The following OSBPL9 variants were observed in gnomAD, a reference collection of about 807,000 sequenced individuals.
OSBPL9 encodes oxysterol-binding protein-related protein 9.
A neutral mutation model predicts 106.6 loss-of-function variants in OSBPL9; 40 were observed. That is an observed-to-expected ratio of 0.38 (90% CI 0.29 to 0.49). OSBPL9 has a LOEUF of 0.49. Among genes scored for constraint, OSBPL9 ranks in the 20% least tolerant of loss-of-function variants. The probability of loss-of-function intolerance (pLI) is 0.97; values close to 1 mark genes in which losing one functional copy is unlikely to be tolerated. For synonymous variants in OSBPL9, 269 were observed against 295.4 expected (o/e 0.91, Z 0.92); for missense variants, 609 against 887.2 (o/e 0.69, Z 3.98).
chr1:51,645,581 G>A (rs925903339), intron 1 of OSBPL9, among the ~76,000 whole-genome samples: 1 of 151,352 alleles, frequency 6.6e-6, no homozygotes, highest in Non-Finnish European at 1.5e-5. Context: ...TGGGCTCAAG[G>A]GATCCTCCTG....
chr1:51,786,720 G>A, intron 22 of OSBPL9, 103 bp downstream of exon 22: 1 of 845,732 alleles, frequency 1.2e-6, no homozygotes, highest in Non-Finnish European at 1.9e-6. Context: ...GAGCATAATA[G>A]TATAGACCAA....
intron 8 of OSBPL9, among the ~76,000 whole-genome samples, chr1:51,755,284 TG>T (rs1449915151): frequency 6.6e-6 from 1 of 152,202 alleles, no homozygotes; most frequent in Non-Finnish European, 1.5e-5. Flanking sequence ...CAATGGTTTT[TG>T]TTATATTTAC....
At chr1:51,673,531 T>C (rs1650430558) in intron 3 of OSBPL9, among the ~76,000 whole-genome samples, 1 of 152,212 alleles carries the variant, frequency 6.6e-6, no homozygotes, top group Non-Finnish European at 1.5e-5. Flanking sequence ...GCTGGATCAG[T>C]GTCCTGGAGA....
chr1:51,753,530 T>C (rs976908167), intron 8 of OSBPL9, among the ~76,000 whole-genome samples: 1 of 152,230 alleles, frequency 6.6e-6, no homozygotes, highest in African/African-American at 2.4e-5. Flanking sequence ...TAAATTGTTA[T>C]AGCCACTTTG....
chr1:51,581,112 A>G (rs1390388108), intron 1 of OSBPL9, among the ~76,000 whole-genome samples: 1 of 146,358 alleles, frequency 6.8e-6, no homozygotes, highest in Non-Finnish European at 1.5e-5. Flanking sequence ...TTTTATAGAG[A>G]TGGGGTTTCA....
At chr1:51,537,729 T>TG in the OSBPL9 span, among the ~76,000 whole-genome samples, 42 of 152,038 alleles carry the variant, frequency 2.8e-4, no homozygotes, top group Admixed American at 1.0e-3. Flanking sequence ...TTTATAGAGA[T>TG]GGGGTCTCAC....
chr1:51,547,892 G>A, the OSBPL9 span, among the ~76,000 whole-genome samples: 11,574 of 151,432 alleles, frequency 0.076, 508 homozygotes, highest in Non-Finnish European at 0.093. Context: ...ATTTAGAAGT[G>A]ACATTGTCAC....
At chr1:51,700,514 T>C (rs1386205608) in intron 3 of OSBPL9, among the ~76,000 whole-genome samples, 1 of 152,214 alleles carries the variant, frequency 6.6e-6, no homozygotes, top group Admixed American at 6.5e-5. Flanking sequence ...TTTTTATGAG[T>C]ATTGGTCAGT....
chr1:51,701,119 T>C (rs1252314287), intron 3 of OSBPL9, among the ~76,000 whole-genome samples: 1 of 152,142 alleles, frequency 6.6e-6, no homozygotes, highest in Non-Finnish European at 1.5e-5. Context: ...TTTGTATTTT[T>C]AGTAGAGACG....
chr1:51,718,913 A>C (rs1661552005), intron 4 of OSBPL9, among the ~76,000 whole-genome samples: 1 of 152,232 alleles, frequency 6.6e-6, no homozygotes, highest in Non-Finnish European at 1.5e-5. Flanking sequence ...CACTACATAC[A>C]TTACCTTGAC....
intron 12 of OSBPL9, among the ~76,000 whole-genome samples, chr1:51,769,250 G>T (rs1673314385): frequency 6.6e-6 from 1 of 152,142 alleles, no homozygotes; most frequent in East Asian, 1.9e-4. Flanking sequence ...CTTTCTGAAG[G>T]AAGAGAACTT....
chr1:51,537,274 A>G, the OSBPL9 span, among the ~76,000 whole-genome samples: 4 of 152,220 alleles, frequency 2.6e-5, no homozygotes, highest in African/African-American at 7.2e-5. Context: ...AGCCTCTTCA[A>G]ACTAGCTCCT....
chr1:51,618,113 G>C (rs185879622), intron 1 of OSBPL9, among the ~76,000 whole-genome samples: 25 of 152,124 alleles, frequency 1.6e-4, no homozygotes, highest in Non-Finnish European at 3.1e-4. Context: ...TGCCTCTCGG[G>C]TTCAAGCGAT....
rs200371415 is a variant in OSBPL9, at chr1:51,746,472, TCTTTTG to T, written c.415-234_415-229del. On this transcript the variant is annotated intron_variant, in intron 5 of 23. Coordinates refer to ENST00000428468, the MANE Select transcript of OSBPL9 (RefSeq NM_024586.6). ...TTAATTTTTTAAAAGTCATCTGTTT[TCTTTTG>T]CTTATAATTCTTCCAGAGTGATTGA... Among the ~76,000 whole-genome samples, 21 of 152,386 alleles carry T rather than the reference TCTTTTG, an allele frequency of 1.4e-4. 1 individual carries two copies. In the East Asian group the frequency reaches 3.5e-3, roughly 25 times the overall value.
At chr1:51,735,622 C>G (rs1665501536) in intron 4 of OSBPL9, among the ~76,000 whole-genome samples, 1 of 152,222 alleles carries the variant, frequency 6.6e-6, no homozygotes, top group African/African-American at 2.4e-5. Context: ...TAGAATGAAA[C>G]TCTTTTAGAT....
chr1:51,707,667 G>T, intron 3 of OSBPL9: 1 of 205,588 alleles, frequency 4.9e-6, no homozygotes, highest in East Asian at 1.1e-4. Context: ...CCTTGGATGG[G>T]GGTGCAGTGA....
chr1:51,753,736 T>C (rs1042952968), intron 8 of OSBPL9, among the ~76,000 whole-genome samples: 1 of 152,222 alleles, frequency 6.6e-6, no homozygotes, highest in East Asian at 1.9e-4. Context: ...CCTTCCAGTT[T>C]TGATTCTTTG....
intron 3 of OSBPL9, among the ~76,000 whole-genome samples, chr1:51,703,577 G>A (rs1400594866): frequency 6.6e-6 from 1 of 152,176 alleles, no homozygotes; most frequent in African/African-American, 2.4e-5. Flanking sequence ...ACACAATCAT[G>A]TATCAAGTCA....
intron 1 of OSBPL9, among the ~76,000 whole-genome samples, chr1:51,620,324 G>A (rs547778675): frequency 6.6e-6 from 1 of 152,160 alleles, no homozygotes; most frequent in South Asian, 2.1e-4. Flanking sequence ...TTTATGAAAG[G>A]TTACTGAGTA....
Sources: allele counts gnomAD v4.1 joint callset (sites outside exome capture counted in the v4.1 genomes callset), GRCh38; gene constraint gnomAD v4.1.1; transcripts MANE v1.5; gene names NCBI Gene and HGNC (gene_info 2026-07-23, HGNC 2026-07-21).